Variants in NTRK3 observed in about 807,000 individuals in gnomAD.
The protein encoded by NTRK3 is NT-3 growth factor receptor.
In NTRK3, 24 loss-of-function variants were observed where a neutral mutation model predicts 91.7. The ratio of observed to expected loss-of-function variants is 0.26; its 90% CI spans 0.19 to 0.37. The LOEUF is 0.37. Among genes scored for constraint, NTRK3 ranks in the 10% least tolerant of loss-of-function variants. The pLI, the probability that NTRK3 is intolerant of heterozygous loss-of-function variation, is 1.00. For synonymous variants in NTRK3, 483 were observed against 404.0 expected, an observed-to-expected ratio of 1.20 and a Z score of -2.34; for missense variants, 880 against 1,068.9, an observed-to-expected ratio of 0.82 and a Z score of 2.46.
At chr15:87,921,582 T>A (rs1055325198) in intron 17 of NTRK3, among the ~76,000 whole-genome samples, 1 of 152,186 alleles carries the variant, frequency 6.6e-6, no homozygotes, top group Admixed American at 6.5e-5. Flanking sequence ...GATGGACCCC[T>A]TCCTCTTTGC....
intron 13 of NTRK3, among the ~76,000 whole-genome samples, chr15:88,070,304 A>G (rs1036790603): frequency 6.6e-6 from 1 of 152,030 alleles, no homozygotes; most frequent in African/African-American, 2.4e-5. Context: ...AGACAGCAAG[A>G]GCCCTCCTCT....
rs138468552 is a variant in NTRK3 at position 88,077,475 on chromosome 15, G to A, written c.1397-44430C>T. ...GTTGTCTCCACGCCTCCCCATGGGA[G>A]TTTAAAAATGGAAAGCCACGTGCAA... is the stretch of plus-strand genomic sequence containing the variant. On this transcript the variant is annotated intron_variant, in intron 13 of 18. Transcript: ENST00000394480. Among the ~76,000 whole-genome samples the A allele has an allele frequency of 5.8e-3, 881 of 152,144 alleles. 10 individuals carry two copies. Among genetic ancestry groups the A allele is most frequent in the Middle Eastern group, 0.041 (12 of 294 alleles).
Position 87,979,134 on chromosome 15 carries a change from G to A in NTRK3, c.1586-38381C>T, listed in dbSNP as rs970065883. On this transcript the variant is annotated intron_variant, in intron 14 of 18. Transcript: ENST00000394480. Reference sequence around the variant, plus strand: ...CGTAGGCCGGGAAAAAAGGAGCACAGTGATGATTGGAGGGAAGGGGCAACC... The same window carrying A: ...CGTAGGCCGGGAAAAAAGGAGCACAATGATGATTGGAGGGAAGGGGCAACC... 20 of 616,502 alleles carry A rather than the reference G, an allele frequency of 3.2e-5. No homozygotes were observed. In the Admixed American group the frequency reaches 5.0e-4, roughly 16 times the overall value. 38.2% of individuals were successfully genotyped at this position (616,502 alleles called of 1,614,324 possible). A position where few individuals can be genotyped will look rare whatever the true frequency, so the allele number is the denominator to read the frequency against.
At chr15:88,203,679 C>T (rs966142050) in intron 3 of NTRK3, among the ~76,000 whole-genome samples, 15 of 151,766 alleles carry the variant, frequency 9.9e-5, no homozygotes, top group Admixed American at 3.9e-4. Flanking sequence ...TTCCAAATAG[C>T]GAGAAGAAAG....
intron 3 of NTRK3, among the ~76,000 whole-genome samples, chr15:88,192,211 C>T (rs920975803): frequency 6.6e-6 from 1 of 152,318 alleles, no homozygotes; most frequent in Admixed American, 6.5e-5. Context: ...TGTCTCCTAA[C>T]AGGAAAAGAT....
chr15:88,035,044 G>T (rs1014887664), intron 13 of NTRK3, among the ~76,000 whole-genome samples: 1 of 152,160 alleles, frequency 6.6e-6, no homozygotes, highest in African/African-American at 2.4e-5. Flanking sequence ...TGCACAAAGA[G>T]AAAGAGGAAA....
In NTRK3 at chr15:88,123,441, G is replaced by C. The variant is rs543356530; in HGVS notation, c.1396+2830C>G. Among the ~76,000 whole-genome samples, 3 of 151,744 alleles carry C rather than the reference G, an allele frequency of 2.0e-5. No individual in the cohort carries two copies. The East Asian group carries it at 5.8e-4, about 29-fold the overall frequency. ...GTGTCATCACTCTTTATCCAAGACT[G>C]TGATGCTCGCTGGCAATAAAAGATC... On this transcript the variant is annotated intron_variant, in intron 13 of 18. Transcript: ENST00000394480.
chr15:87,939,468 G>T (rs1028508084), intron 15 of NTRK3, among the ~76,000 whole-genome samples: 23 of 152,194 alleles, frequency 1.5e-4, no homozygotes, highest in African/African-American at 5.5e-4. Context: ...GCTCTTTGAT[G>T]CCCATGCTAT....
At chr15:88,137,270 C>T in intron 7 of NTRK3, 134 bp downstream of exon 7, 1 of 1,003,128 alleles carries the variant, frequency 1.0e-6, no homozygotes. Context: ...GGTCTGCACA[C>T]AACTGCAGAG....
chr15:88,091,143 C>A (rs1383853426), intron 13 of NTRK3, among the ~76,000 whole-genome samples: 1 of 152,104 alleles, frequency 6.6e-6, no homozygotes, highest in Non-Finnish European at 1.5e-5. Context: ...AAATTGGGAA[C>A]CCGTTTTACT....
exon 19 of NTRK3, chr15:87,868,771 T>G (rs1212223970): frequency 4.5e-6 from 1 of 223,538 alleles, no homozygotes. Flanking sequence ...CAACCACTCC[T>G]TAAAGAGATG....
chr15:88,207,817 GA>G (rs2141374765), intron 3 of NTRK3, among the ~76,000 whole-genome samples: 1 of 152,352 alleles, frequency 6.6e-6, no homozygotes, highest in Non-Finnish European at 1.5e-5. Context: ...GCTCATGGGA[GA>G]TGGCAGAGAT....
Position 88,135,407 on chromosome 15 carries a change from G to A in NTRK3, c.908-10C>T. The stretch of plus-strand genomic sequence containing the variant: ...ACCACACGTGGGGGATCTGTCAAGG[G>A]AGAAGCCTGCTGAAATCCAGGACAC... On this transcript the variant is annotated splice_polypyrimidine_tract_variant and intron_variant, in intron 9 of 18. Coordinates refer to ENST00000394480, the Ensembl canonical transcript of NTRK3. 6.2e-7 allele frequency: 1 copy of A among 1,612,464 alleles called. No homozygotes were observed. The highest frequency in any genetic ancestry group is 8.5e-7 in the Non-Finnish European group (1 of 1,179,804).
chr15:88,166,917 C>T (rs1222492561), intron 5 of NTRK3, among the ~76,000 whole-genome samples: 2 of 152,112 alleles, frequency 1.3e-5, no homozygotes, highest in Non-Finnish European at 2.9e-5. Flanking sequence ...TTTCTCTTCA[C>T]TTTGTTTCCT....
At chr15:88,115,597 G>A (rs1037782902) in intron 13 of NTRK3, among the ~76,000 whole-genome samples, 1 of 152,202 alleles carries the variant, frequency 6.6e-6, no homozygotes, top group Non-Finnish European at 1.5e-5. Flanking sequence ...CAGCACAGAG[G>A]CCCCTTTGAA....
At chr15:88,106,005 C>T (rs1308056688) in intron 13 of NTRK3, among the ~76,000 whole-genome samples, 2 of 152,226 alleles carry the variant, frequency 1.3e-5, no homozygotes, top group African/African-American at 2.4e-5. Flanking sequence ...CACTGCTTTC[C>T]GCTGCCTCCA....
chr15:87,909,193 G>A (rs1330742919), intron 17 of NTRK3, among the ~76,000 whole-genome samples: 2 of 151,974 alleles, frequency 1.3e-5, no homozygotes, highest in African/African-American at 4.8e-5. Flanking sequence ...GCTGTCCATG[G>A]AGTTAACATT....
intron 13 of NTRK3, among the ~76,000 whole-genome samples, chr15:88,074,041 T>C (rs1428644810): frequency 6.6e-6 from 1 of 152,168 alleles, no homozygotes; most frequent in Non-Finnish European, 1.5e-5. Context: ...CTTGTCTCTG[T>C]CTCTCCGGAA....
At chr15:87,980,545 G>C (rs927205218) in intron 14 of NTRK3, among the ~76,000 whole-genome samples, 2 of 152,186 alleles carry the variant, frequency 1.3e-5, no homozygotes, top group Non-Finnish European at 2.9e-5. Flanking sequence ...GTGTGTGTTT[G>C]AATGTGTATG....
Sources: gnomAD v4.1 joint callset for allele counts (sites outside exome capture counted in the v4.1 genomes callset) on GRCh38, gnomAD v4.1.1 for gene constraint, MANE v1.5 for transcripts, NCBI Gene and HGNC (gene_info 2026-07-23, HGNC 2026-07-21) for gene names.